Variants in DYNC1I1 observed in about 807,000 individuals in gnomAD.
DYNC1I1 encodes dynein cytoplasmic 1 intermediate chain 1.
In DYNC1I1, 43 loss-of-function variants were observed where a neutral mutation model predicts 86.6. The ratio of observed to expected loss-of-function variants is 0.50; its 90% CI spans 0.39 to 0.64. The LOEUF (loss-of-function observed/expected upper bound fraction) is 0.64. DYNC1I1 is among the 30% of genes least tolerant of loss of function. The pLI is 0.00. For missense variants in DYNC1I1, 604 were observed against 788.8 expected, an observed-to-expected ratio of 0.77 and a Z score of 2.81; for synonymous variants, 262 against 283.7, an observed-to-expected ratio of 0.92 and a Z score of 0.77.
intron 6 of DYNC1I1, among the ~76,000 whole-genome samples, chr7:95,906,290 C>A (rs73390901): frequency 1.3e-5 from 2 of 152,126 alleles, no homozygotes; most frequent in African/African-American, 4.8e-5. Context: ...TACTTAATCC[C>A]CTTGAGCTAC....
At chr7:95,945,056 TA>T (rs892251957) in intron 6 of DYNC1I1, among the ~76,000 whole-genome samples, 1 of 151,096 alleles carries the variant, frequency 6.6e-6, no homozygotes, top group Non-Finnish European at 1.5e-5. Flanking sequence ...AACATAAAAA[TA>T]AAAAAATAAT....
intron 1 of DYNC1I1, among the ~76,000 whole-genome samples, chr7:95,795,070 T>C (rs1794401766): frequency 6.6e-6 from 1 of 152,196 alleles, no homozygotes; most frequent in African/African-American, 2.4e-5. Flanking sequence ...GAGGAATGCT[T>C]TTCCTTCTGG....
chr7:95,895,613 A>G (rs1156642182), intron 6 of DYNC1I1, among the ~76,000 whole-genome samples: 2 of 152,178 alleles, frequency 1.3e-5, no homozygotes, highest in East Asian at 3.9e-4. Context: ...CCACTGCTTT[A>G]CGACCCATTT....
chr7:96,022,979 T>C (rs964642475), intron 10 of DYNC1I1, among the ~76,000 whole-genome samples: 5 of 152,108 alleles, frequency 3.3e-5, no homozygotes, highest in African/African-American at 1.2e-4. Context: ...CTTCACACCT[T>C]CCATGTTGCC....
At chr7:95,892,467 C>T (rs542831737) in intron 6 of DYNC1I1, among the ~76,000 whole-genome samples, 28 of 152,182 alleles carry the variant, frequency 1.8e-4, no homozygotes, top group South Asian at 4.1e-4. Context: ...CCTGCCACCA[C>T]GCCCAGCTAA....
At chr7:95,883,095 C>T (rs1289201182) in intron 6 of DYNC1I1, among the ~76,000 whole-genome samples, 1 of 152,128 alleles carries the variant, frequency 6.6e-6, no homozygotes, top group Non-Finnish European at 1.5e-5. Flanking sequence ...GTCAGCTGCC[C>T]AAAATGTGCC....
intron 6 of DYNC1I1, among the ~76,000 whole-genome samples, chr7:95,966,643 T>C (rs1373480664): frequency 6.6e-6 from 1 of 152,360 alleles, no homozygotes; most frequent in East Asian, 1.9e-4. Context: ...CTTCCCTTTC[T>C]AAAGCCTCGG....
chr7:96,012,241 G>T (rs556810845), intron 10 of DYNC1I1, among the ~76,000 whole-genome samples: 3 of 152,168 alleles, frequency 2.0e-5, no homozygotes, highest in African/African-American at 7.2e-5. Flanking sequence ...TATTTTGAAG[G>T]AAGAGGGTAT....
chr7:95,978,743 A>G (rs1008578327), intron 7 of DYNC1I1, among the ~76,000 whole-genome samples: 3 of 152,324 alleles, frequency 2.0e-5, no homozygotes, highest in East Asian at 3.9e-4. Context: ...TGAGAAAATT[A>G]GAGAAGCCCA....
intron 6 of DYNC1I1, among the ~76,000 whole-genome samples, chr7:95,909,249 G>GGT (rs1791262970): frequency 8.8e-6 from 1 of 113,572 alleles, no homozygotes; most frequent in Non-Finnish European, 1.8e-5. Context: ...GGGGTGGGGG[G>GGT]GGGGGGCGGG....
intron 6 of DYNC1I1, among the ~76,000 whole-genome samples, chr7:95,870,926 ATTC>A: frequency 6.6e-6 from 1 of 152,218 alleles, no homozygotes; most frequent in East Asian, 1.9e-4. Flanking sequence ...ATGTTATTTT[ATTC>A]TTCGGTGGGT....
At chr7:95,891,072 A>G (rs1330422856) in intron 6 of DYNC1I1, among the ~76,000 whole-genome samples, 1 of 152,178 alleles carries the variant, frequency 6.6e-6, no homozygotes, top group East Asian at 1.9e-4. Flanking sequence ...TTCATCCAAC[A>G]TATGACTAGT....
chr7:96,079,426 C>T (rs1562997127), intron 15 of DYNC1I1, among the ~76,000 whole-genome samples: 1 of 152,106 alleles, frequency 6.6e-6, no homozygotes, highest in Non-Finnish European at 1.5e-5. Flanking sequence ...CTCAAGAGAT[C>T]TGAGCTTTAT....
chr7:95,828,041 T>G lies in DYNC1I1; in HGVS notation c.315-16T>G. On this transcript the variant is annotated splice_polypyrimidine_tract_variant and intron_variant, in intron 4 of 16. Transcript: ENST00000447467. ...TTAATTCTCTGTGTTCTTTTTCCTT[T>G]GTGCTGCACAATTAGGACCCTGCAG... 1 of 1,613,486 alleles carries G rather than the reference T, an allele frequency of 6.2e-7. No individual in the cohort carries two copies. The highest frequency in any genetic ancestry group is 8.5e-7 in the Non-Finnish European group (1 of 1,179,540).
chr7:96,007,066 CTATT>C (rs760265469), intron 10 of DYNC1I1, among the ~76,000 whole-genome samples: 15 of 152,144 alleles, frequency 9.9e-5, no homozygotes, highest in East Asian at 3.9e-4. Context: ...GACTTAGAAA[CTATT>C]TATTTTTTCA....
At chr7:95,934,794 A>T (rs1475982834) in intron 6 of DYNC1I1, among the ~76,000 whole-genome samples, 1 of 152,122 alleles carries the variant, frequency 6.6e-6, no homozygotes, top group East Asian at 1.9e-4. Context: ...TTGAGACTGC[A>T]AATCCTTTTT....
intron 6 of DYNC1I1, among the ~76,000 whole-genome samples, chr7:95,958,707 T>C (rs918006511): frequency 6.6e-6 from 1 of 152,248 alleles, no homozygotes; most frequent in African/African-American, 2.4e-5. Context: ...TCTAAGCTAA[T>C]TGACAAATTT....
intron 5 of DYNC1I1, 144 bp downstream of exon 5, chr7:95,828,260 T>C (rs922161495): frequency 4.7e-6 from 4 of 854,656 alleles, no homozygotes; most frequent in Admixed American, 2.1e-5. Flanking sequence ...TGATTTTCCT[T>C]ATAAAGCTTT....
At chr7:95,848,208 GTTTT>G (rs55696943) in intron 5 of DYNC1I1, among the ~76,000 whole-genome samples, 1 of 138,784 alleles carries the variant, frequency 7.2e-6, no homozygotes. Context: ...ACTTACAGTT[GTTTT>G]TTTTTTTTTT....
Sources: gnomAD v4.1 joint callset for allele counts (sites outside exome capture counted in the v4.1 genomes callset) on GRCh38, gnomAD v4.1.1 for gene constraint, MANE v1.5 for transcripts, NCBI Gene and HGNC (gene_info 2026-07-23, HGNC 2026-07-21) for gene names.